DPH6: variants seen among roughly 807,000 people sequenced by gnomAD.
The protein encoded by DPH6 is diphthine--ammonia ligase.
In DPH6, 33 loss-of-function variants were observed where a neutral mutation model predicts 38.2. That is an observed-to-expected ratio of 0.86 (90% CI 0.65 to 1.15). The LOEUF (loss-of-function observed/expected upper bound fraction) is 1.15, where lower values mean the gene tolerates loss of function less well. Ranked by LOEUF, DPH6 falls within the 50% of genes most tolerant of loss-of-function variation. The pLI is 0.00. For synonymous variants in DPH6, 108 were observed against 103.0 expected, an observed-to-expected ratio of 1.05 and a Z score of -0.30; for missense variants, 325 against 320.0, an observed-to-expected ratio of 1.02 and a Z score of -0.12.
rs2052164976 is a variant in DPH6, at chr15:35,313,846, A to AGAAAACATTG, written n.200+59665_200+59674dup. On this transcript the variant is annotated intron_variant and non_coding_transcript_variant, in intron 3 of 3. Coordinates refer to the DPH6 transcript ENST00000560386. ...GACCTGAAACTATGAAACTACTAGA[A>AGAAAACATTG]GAAAACATTGGAGAATGACTCCAGG... Among the ~76,000 whole-genome samples, 4 of 152,308 alleles carry AGAAAACATTG rather than the reference A, an allele frequency of 2.6e-5. 1 individual carries two copies. The South Asian group carries it at 8.3e-4, about 32-fold the overall frequency.
chr15:35,327,978 T>A (rs2052298538), downstream of DPH6, among the ~76,000 whole-genome samples: 1 of 152,222 alleles, frequency 6.6e-6, no homozygotes, highest in Non-Finnish European at 1.5e-5. Context: ...TATAACAGCA[T>A]AATGCTATGA....
intron 3 of DPH6, among the ~76,000 whole-genome samples, chr15:35,279,048 CAAAA>C (rs71123126): frequency 5.7e-5 from 4 of 70,672 alleles, no homozygotes; most frequent in African/African-American, 2.6e-4. Context: ...GACTCTGTCT[CAAAA>C]AAAAAAAAAA....
chr15:35,148,388 T>C, the DPH6 span, among the ~76,000 whole-genome samples: 375 of 152,314 alleles, frequency 2.5e-3, no homozygotes, highest in African/African-American at 8.7e-3. Context: ...GTAGAATGTG[T>C]TCAGCTTACA....
downstream of DPH6, among the ~76,000 whole-genome samples, chr15:35,368,976 T>C (rs2052686394): frequency 6.6e-6 from 1 of 151,482 alleles, no homozygotes; most frequent in Non-Finnish European, 1.5e-5. Context: ...AAAGAAAATA[T>C]TGAAAAAGAA....
At chr15:35,200,620 C>A in the DPH6 span, among the ~76,000 whole-genome samples, 2 of 151,766 alleles carry the variant, frequency 1.3e-5, no homozygotes, top group Non-Finnish European at 2.9e-5. Context: ...GCTGTGTGCT[C>A]CCTGCTTCCA....
At chr15:35,380,743 T>C (rs1192658601) in intron 7 of DPH6, among the ~76,000 whole-genome samples, 1 of 152,212 alleles carries the variant, frequency 6.6e-6, no homozygotes, top group South Asian at 2.1e-4. Context: ...TCCTCTCCCA[T>C]AAATAAACTT....
At chr15:35,253,833 G>A (rs1024651051) in intron 3 of DPH6, among the ~76,000 whole-genome samples, 2 of 152,142 alleles carry the variant, frequency 1.3e-5, no homozygotes, top group Admixed American at 6.5e-5. Context: ...AGCATCTGAG[G>A]GCTGAGGCGG....
the DPH6 span, among the ~76,000 whole-genome samples, chr15:35,165,882 C>T: frequency 6.6e-6 from 1 of 151,876 alleles, no homozygotes; most frequent in Non-Finnish European, 1.5e-5. Flanking sequence ...TCTAGAAATT[C>T]TCAGCTATCA....
At chr15:35,427,005 T>TAA (rs80243708) in intron 5 of DPH6, among the ~76,000 whole-genome samples, 1 of 116,288 alleles carries the variant, frequency 8.6e-6, no homozygotes, top group Non-Finnish European at 1.8e-5. Context: ...AGAAAGAATC[T>TAA]AAAAAAAAAA....
chr15:35,279,066 A>ATATAT lies in DPH6; in HGVS notation n.201-58485_201-58484insATATA, dbSNP rs3028680. Among the ~76,000 whole-genome samples the ATATAT allele has an allele frequency of 2.9e-3, 281 of 97,878 alleles. No individual in the cohort carries two copies. The East Asian group carries it at 0.032, about 11-fold the overall frequency. 64.2% of individuals were successfully genotyped at this position (97,878 alleles called of 152,430 possible). A position where few individuals can be genotyped will look rare whatever the true frequency, so the allele number is the denominator to read the frequency against. On this transcript the variant is annotated intron_variant and non_coding_transcript_variant, in intron 3 of 3. Transcript: ENST00000560386. The stretch of plus-strand genomic sequence containing the variant: ...TCTGTCTCAAAAAAAAAAAAAAAAA[A>ATATAT]AAATATATATATATATATAATTTTG...
chr15:35,397,003 G>C (rs1463729563), intron 6 of DPH6, among the ~76,000 whole-genome samples: 1 of 152,184 alleles, frequency 6.6e-6, no homozygotes, highest in African/African-American at 2.4e-5. Context: ...AACTTCTGTA[G>C]AAAAGTGAGA....
At chr15:35,176,524 T>C in the DPH6 span, among the ~76,000 whole-genome samples, 1 of 151,368 alleles carries the variant, frequency 6.6e-6, no homozygotes, top group South Asian at 2.1e-4. Flanking sequence ...CAGGCTGGAG[T>C]GCAATGGCGT....
chr15:35,445,110 C>G (rs757974247), intron 5 of DPH6, among the ~76,000 whole-genome samples: 10 of 152,136 alleles, frequency 6.6e-5, no homozygotes, highest in Non-Finnish European at 1.0e-4. Context: ...CTGCATAACT[C>G]CAGAGAGGAG....
the DPH6 span, among the ~76,000 whole-genome samples, chr15:35,189,135 A>C: frequency 3.0e-4 from 45 of 152,202 alleles, no homozygotes; most frequent in East Asian, 7.5e-3. Context: ...CTTACTTCAA[A>C]AGTTGCATTT....
the DPH6 span, among the ~76,000 whole-genome samples, chr15:35,156,066 C>G: frequency 6.6e-6 from 1 of 152,110 alleles, no homozygotes. Context: ...TCCTGAATAT[C>G]TGATGGTCTT....
intron 6 of DPH6, among the ~76,000 whole-genome samples, chr15:35,397,866 T>TACACACAC (rs137888416): frequency 1.9e-4 from 17 of 88,898 alleles, no homozygotes; most frequent in African/African-American, 7.4e-4. Context: ...AATTTATATA[T>TACACACAC]ATACACACAC....
chr15:35,150,431 GTTTCCAAACAGTAT>G, the DPH6 span, among the ~76,000 whole-genome samples: 2 of 152,158 alleles, frequency 1.3e-5, no homozygotes, highest in Admixed American at 1.3e-4. Flanking sequence ...ATCTCATTTG[GTTTCCAAACAGTAT>G]CTGCCAATAG....
the DPH6 span, among the ~76,000 whole-genome samples, chr15:35,155,094 T>G: frequency 6.6e-6 from 1 of 152,178 alleles, no homozygotes; most frequent in Non-Finnish European, 1.5e-5. Flanking sequence ...CTCTGGCCTG[T>G]CTATGACCTT....
intron 5 of DPH6, among the ~76,000 whole-genome samples, chr15:35,446,830 C>T (rs1165638684): frequency 6.6e-6 from 1 of 151,748 alleles, no homozygotes; most frequent in East Asian, 1.9e-4. Flanking sequence ...CATCAAGGGG[C>T]ACTCTGCCAT....
Sources: gnomAD v4.1 joint callset for allele counts (sites outside exome capture counted in the v4.1 genomes callset) on GRCh38, gnomAD v4.1.1 for gene constraint, MANE v1.5 for transcripts, NCBI Gene and HGNC (gene_info 2026-07-23, HGNC 2026-07-21) for gene names.